The following CCDC80 variants were observed in gnomAD, a reference collection of about 807,000 sequenced individuals.
CCDC80 encodes the protein coiled-coil domain containing 80.
CCDC80 carries 49 observed loss-of-function variants against 78.7 expected under a neutral mutation model. The ratio of observed to expected loss-of-function variants is 0.62; its 90% CI spans 0.50 to 0.79. The LOEUF (loss-of-function observed/expected upper bound fraction) is 0.79, where lower values mean the gene tolerates loss of function less well. CCDC80 is among the 30% of genes least tolerant of loss of function. The pLI is 0.00. For synonymous variants in CCDC80, 488 were observed against 447.0 expected (o/e 1.09, Z -1.16); for missense variants, 1,205 against 1,198.6 (o/e 1.01, Z -0.08).
chr3:112,603,368 A>G lies in CCDC80; in HGVS notation c.*2049T>C, dbSNP rs1452234269. On this transcript the variant is annotated 3_prime_UTR_variant, in exon 8 of 8. Transcript: ENST00000206423. ...CATCTCTACTAAAAATACAAAAATA[A>G]GCTGGGTGTAGTGGTGGGCGCCTGT... The G allele has an allele frequency of 1.3e-5, 2 of 151,734 alleles. No individual in the cohort carries two copies. Among genetic ancestry groups the G allele is most frequent in the Non-Finnish European group, 2.9e-5 (2 of 67,928 alleles). The allele number at this position is 151,734 out of a possible 1,614,324, so 9.4% of individuals were successfully genotyped here. A position where few individuals can be genotyped will look rare whatever the true frequency, so the allele number is the denominator to read the frequency against.
rs773834085 is a variant in CCDC80 at position 112,610,004 on chromosome 3, G to T, written c.2399C>A (p.Ala800Asp). ...AAAATTGCACGCCTGACCACTGAGG[G>T]CAGAGAGCTGCTGTGAATAGGCCCA... Reference protein sequence around the residue: ...EDWAYSQQLSALSGQACNFGL... With the variant: ...EDWAYSQQLSDLSGQACNFGL... The change falls in exon 6 of 8, where the codon GCC becomes GAC. Residue 800 changes from alanine to aspartate, a missense_variant. Physicochemically the swap from Ala to Asp is moderately radical, Grantham distance 126. Coordinates refer to ENST00000206423, the MANE Select transcript of CCDC80 (RefSeq NM_199511.3). The T allele has an allele frequency of 6.2e-7, 1 of 1,613,924 alleles. No homozygotes were observed. The highest frequency in any genetic ancestry group is 2.2e-5 in the East Asian group (1 of 44,870).
At position 112,638,673 on chromosome 3, in the gene CCDC80, T is replaced by C. The variant is rs1559882785; in HGVS notation, c.1233A>G (p.Ser411=). Residue 411 remains serine (S), a synonymous_variant, in exon 2 of 8, where the codon TCA becomes TCG. Transcript: ENST00000206423. ...EVITARRPSV[S]ENLYPPSRKD... The stretch of plus-strand genomic sequence containing the variant: ...TCCGGGATGGAGGGTAAAGATTCTC[T>C]GAAACTGAGGGTCTCCTGGCAGTGA... 1 of 1,613,980 alleles carries C rather than the reference T, an allele frequency of 6.2e-7. No homozygotes were observed. The highest frequency in any genetic ancestry group is 1.1e-5 in the South Asian group (1 of 91,076).
intron 5 of CCDC80, among the ~76,000 whole-genome samples, chr3:112,616,444 G>GAAAAAAAAAAAA (rs1935747901): frequency 7.3e-6 from 1 of 137,392 alleles, no homozygotes. Context: ...GAAAAAAAAA[G>GAAAAAAAAAAAA]AAAAGAAAAA....
Position 112,603,669 on chromosome 3 carries a change from T to C in CCDC80, c.*1748A>G, listed in dbSNP as rs1016886865. On this transcript the variant is annotated 3_prime_UTR_variant, in exon 8 of 8. Transcript: ENST00000206423. ...TCACCCAAGAACTTGGATAGAGATA[T>C]ACAAGGAGATTAATATTTTCGTGCC... 5.3e-5 allele frequency: 8 copies of C among 151,288 alleles called. No individual in the cohort carries two copies. Among genetic ancestry groups the C allele is most frequent in the East Asian group, 1.9e-4 (1 of 5,188 alleles). The allele number at this position is 151,288 out of a possible 1,614,324, so 9.4% of individuals were successfully genotyped here.
At chr3:112,619,672 G>T (rs1160714558) in intron 3 of CCDC80, among the ~76,000 whole-genome samples, 1 of 152,120 alleles carries the variant, frequency 6.6e-6, no homozygotes, top group African/African-American at 2.4e-5. Context: ...TGCAAATTTT[G>T]TAAGTGAACA....
At chr3:112,607,556 G>T (rs893311143) in intron 6 of CCDC80, among the ~76,000 whole-genome samples, 1 of 152,160 alleles carries the variant, frequency 6.6e-6, no homozygotes, top group Non-Finnish European at 1.5e-5. Context: ...GGAGGCCGAG[G>T]TGGGCAGATC....
chr3:112,612,982 C>G (rs959021581), intron 5 of CCDC80, among the ~76,000 whole-genome samples: 3 of 150,614 alleles, frequency 2.0e-5, no homozygotes, highest in Non-Finnish European at 4.4e-5. Context: ...ACCAGAATAA[C>G]TGACCCTAGG....
intron 3 of CCDC80, among the ~76,000 whole-genome samples, chr3:112,628,059 G>C (rs1371043766): frequency 6.6e-6 from 1 of 152,186 alleles, no homozygotes; most frequent in African/African-American, 2.4e-5. Flanking sequence ...AACACTTTGT[G>C]AAAGTGTTGG....
At chr3:112,628,695 A>G (rs1429697751) in intron 3 of CCDC80, among the ~76,000 whole-genome samples, 1 of 152,180 alleles carries the variant, frequency 6.6e-6, no homozygotes, top group Admixed American at 6.6e-5. Context: ...GTTTTGGTTA[A>G]GAAAATTCCT....
At chr3:112,615,484 T>C (rs764311678) in intron 5 of CCDC80, among the ~76,000 whole-genome samples, 1 of 151,932 alleles carries the variant, frequency 6.6e-6, no homozygotes, top group Non-Finnish European at 1.5e-5. Context: ...AAAGTCTCAG[T>C]AGAAGTTTCA....
intron 5 of CCDC80, among the ~76,000 whole-genome samples, chr3:112,616,441 AAAG>A (rs1935746972): frequency 1.1e-5 from 1 of 90,522 alleles, no homozygotes. Flanking sequence ...AGAGAAAAAA[AAAG>A]AAAAGAAAAA....
chr3:112,616,159 T>C (rs1004496576), intron 5 of CCDC80, among the ~76,000 whole-genome samples: 3 of 152,130 alleles, frequency 2.0e-5, no homozygotes, highest in African/African-American at 2.4e-5. Flanking sequence ...TGCCACAAGA[T>C]GGCCTTCAAT....
At chr3:112,607,618 C>T (rs1935541665) in intron 6 of CCDC80, among the ~76,000 whole-genome samples, 1 of 152,094 alleles carries the variant, frequency 6.6e-6, no homozygotes, top group African/African-American at 2.4e-5. Flanking sequence ...AACCCCGTCT[C>T]TACTAACAAT....
intron 2 of CCDC80, among the ~76,000 whole-genome samples, chr3:112,631,733 C>T (rs1576793114): frequency 6.6e-6 from 1 of 152,078 alleles, no homozygotes; most frequent in African/African-American, 2.4e-5. Flanking sequence ...GTTTATTTTT[C>T]TCTGTCAGAG....
chr3:112,630,305 T>C (rs1337122923), intron 2 of CCDC80, 36 bp from the exon 3 acceptor site: 2 of 1,605,190 alleles, frequency 1.2e-6, no homozygotes, highest in Admixed American at 3.3e-5. Flanking sequence ...TACTCATTTA[T>C]AGTGATAGTT....
At position 112,601,066 on chromosome 3, in the gene CCDC80, A is replaced by G. The variant is rs1935365118; in HGVS notation, c.*4351T>C. Reference sequence around the variant, plus strand: ...GGAAGAGGGATGAGATGGGAGCATAATTCACACACTAAGAACTGAGTTCTA... The same window carrying G: ...GGAAGAGGGATGAGATGGGAGCATAGTTCACACACTAAGAACTGAGTTCTA... On this transcript the variant is annotated 3_prime_UTR_variant, in exon 8 of 8. Transcript: ENST00000206423. The G allele has an allele frequency of 6.6e-6, 1 of 152,208 alleles. No homozygotes were observed. Among genetic ancestry groups the G allele is most frequent in the South Asian group, 2.1e-4 (1 of 4,834 alleles). The allele number at this position is 152,208 out of a possible 1,614,324, so 9.4% of individuals were successfully genotyped here. A position where few individuals can be genotyped will look rare whatever the true frequency, so the allele number is the denominator to read the frequency against.
At chr3:112,640,145 G>A (rs919202307) in intron 1 of CCDC80, among the ~76,000 whole-genome samples, 182 bp downstream of exon 1, 2 of 152,160 alleles carry the variant, frequency 1.3e-5, no homozygotes, top group African/African-American at 4.8e-5. Context: ...GTTACATTAA[G>A]CAGGAAATCC....
At chr3:112,621,432 C>T (rs1325708405) in intron 3 of CCDC80, among the ~76,000 whole-genome samples, 1 of 152,116 alleles carries the variant, frequency 6.6e-6, no homozygotes, top group Admixed American at 6.5e-5. Context: ...AGCAGAACCT[C>T]CTACCCAACC....
Position 112,638,716 on chromosome 3 carries a change from G to A in CCDC80, c.1190C>T (p.Pro397Leu), listed in dbSNP as rs761192166. Residue 397 changes from proline (P) to leucine (L), a missense_variant, in exon 2 of 8, where the codon CCT (proline) becomes CTT (leucine). By Grantham distance (98) the Pro-to-Leu change is moderately conservative. Coordinates refer to ENST00000206423, the MANE Select transcript of CCDC80 (RefSeq NM_199511.3). ...PWTPSPSHRP[P>L]TTTEVITARR... is the part of the protein sequence containing the mutation. ...GGCAGTGATCACCTCAGTGGTTGTA[G>A]GGGGCCTGTGGGAGGGTGAGGGGGT... is the stretch of plus-strand genomic sequence containing the variant. The A allele has an allele frequency of 6.2e-7, 1 of 1,613,964 alleles. No homozygotes were observed. The highest frequency in any genetic ancestry group is 1.3e-5 in the African/African-American group (1 of 75,008).
Sources: gnomAD v4.1 joint callset for allele counts (sites outside exome capture counted in the v4.1 genomes callset) on GRCh38, gnomAD v4.1.1 for gene constraint, MANE v1.5 for transcripts, NCBI Gene and HGNC (gene_info 2026-07-23, HGNC 2026-07-21) for gene names.